The following NPAS1 variants were observed in gnomAD, a reference collection of about 807,000 sequenced individuals.
NPAS1 encodes neuronal PAS domain-containing protein 1.
NPAS1 carries 29 observed loss-of-function variants against 49.2 expected under a neutral mutation model. The observed-to-expected ratio is 0.59, with a 90% CI of 0.44 to 0.80. The LOEUF (loss-of-function observed/expected upper bound fraction) is 0.80, where lower values mean the gene tolerates loss of function less well. Among genes scored for constraint, NPAS1 ranks in the 30% least tolerant of loss-of-function variants. The pLI is 0.00. For missense variants in NPAS1, 825 were observed against 835.5 expected (o/e 0.99, Z 0.15); for synonymous variants, 408 against 380.4 (o/e 1.07, Z -0.84).
intron 9 of NPAS1, 188 bp from the exon 10 acceptor site, chr19:47,040,790 G>A (rs1403927759): frequency 1.8e-5 from 11 of 619,124 alleles, no homozygotes; most frequent in East Asian, 2.9e-5. Flanking sequence ...AAGAGGCCTC[G>A]CTGCTGGGCT....
chr19:47,027,510 ATCTCTCTGCCCCTGTTCTCCCT>A (rs1568501514), intron 3 of NPAS1, among the ~76,000 whole-genome samples: 2 of 12,728 alleles, frequency 1.6e-4, no homozygotes, highest in African/African-American at 9.8e-4. Flanking sequence ...CTGGTCTCCC[ATCTCTCTGCCCCTGTTCTCCCT>A]TCTCTCTGCC....
chr19:47,039,666 T>C, intron 8 of NPAS1, 102 bp downstream of exon 8: 1 of 1,260,030 alleles, frequency 7.9e-7, no homozygotes, highest in South Asian at 1.5e-5. Flanking sequence ...GATAGGGCAC[T>C]GGGGAGCCAT....
At chr19:47,041,650 G>A (rs2057022494) in intron 10 of NPAS1, among the ~76,000 whole-genome samples, 1 of 152,106 alleles carries the variant, frequency 6.6e-6, no homozygotes, top group African/African-American at 2.4e-5. Flanking sequence ...TTTAGAGCTG[G>A]AGAGGATCAT....
At position 47,021,429 on chromosome 19, in the gene NPAS1, G is replaced by A. The variant is rs1416451290; in HGVS notation, c.123-183G>A. The stretch of plus-strand genomic sequence containing the variant: ...CCTTCCCACCAGAATTGACACTCGA[G>A]GTTCTGTCCCTGGGTCGGAGTGTAA... On this transcript the variant is annotated intron_variant, in intron 2 of 11. Transcript: ENST00000602212. This position sits in a 1 kb window ranked among gnomAD's most constrained non-coding sequence, Gnocchi z 5.7. Among the ~76,000 whole-genome samples the A allele has an allele frequency of 6.6e-6, 1 of 152,184 alleles. No homozygotes were observed. The highest frequency in any genetic ancestry group is 2.4e-5 in the African/African-American group (1 of 41,452).
chr19:47,045,230 C>G lies in NPAS1; in HGVS notation c.1352C>G (p.Ala451Gly), dbSNP rs773161102. 1 of 1,613,880 alleles carries G rather than the reference C, an allele frequency of 6.2e-7. No individual in the cohort carries two copies. The highest frequency in any genetic ancestry group is 8.5e-7 in the Non-Finnish European group (1 of 1,179,952). Residue 451 changes from alanine (A) to glycine (G), a missense_variant, in exon 12 of 12, where the codon GCG (alanine) becomes GGG (glycine). Physicochemically the swap from Ala to Gly is moderately conservative, Grantham distance 60. Transcript: ENST00000602212. ...PPTEGKQAAP[A>G]ENEAPQTQGK... The stretch of plus-strand genomic sequence containing the variant: ...ACGGAAGGGAAGCAGGCTGCCCCAG[C>G]GGAGAACGAGGCCCCCCAGACCCAG...
Position 47,021,473 on chromosome 19 carries a change from C to T in NPAS1, c.123-139C>T. The T allele has an allele frequency of 1.7e-6, 1 of 604,448 alleles. No homozygotes were observed. The highest frequency in any genetic ancestry group is 2.8e-6 in the Non-Finnish European group (1 of 362,286). 37.4% of individuals were successfully genotyped at this position (604,448 alleles called of 1,614,324 possible). On this transcript the variant is annotated intron_variant, in intron 2 of 11. Transcript: ENST00000602212. This position sits in a 1 kb window ranked among gnomAD's most constrained non-coding sequence, Gnocchi z 5.7. Reference sequence around the variant, plus strand: ...AGTGTAAAATCCACACTCCGGTCTGCTCCCACCTCCAGAGATGTGGAATCC... The same window carrying T: ...AGTGTAAAATCCACACTCCGGTCTGTTCCCACCTCCAGAGATGTGGAATCC...
chr19:47,025,528 G>A (rs565250605), intron 3 of NPAS1, among the ~76,000 whole-genome samples: 2 of 151,368 alleles, frequency 1.3e-5, no homozygotes, highest in East Asian at 2.0e-4. Flanking sequence ...TCCGCCTGCC[G>A]CAGCCTCCCA....
intron 3 of NPAS1, among the ~76,000 whole-genome samples, chr19:47,026,088 G>A (rs769153900): frequency 2.0e-5 from 3 of 152,058 alleles, no homozygotes; most frequent in Admixed American, 6.6e-5. Context: ...ACAAGCACAC[G>A]CCACCATGCC....
Position 47,019,916 on chromosome 19 carries a change from G to T in NPAS1, c.-124G>T, listed in dbSNP as rs1353051494. The T allele has an allele frequency of 1.3e-5, 5 of 385,294 alleles. No individual in the cohort carries two copies. Among genetic ancestry groups the T allele is most frequent in the Non-Finnish European group, 2.3e-5 (5 of 217,470 alleles). 23.9% of individuals were successfully genotyped at this position (385,294 alleles called of 1,614,324 possible). A position where few individuals can be genotyped will look rare whatever the true frequency, so the allele number is the denominator to read the frequency against. ...CGCGCGCCCCGGGGTCTATGGAGCT[G>T]CCCCTCCGCGCCGCCCGGCCGGCCC... is the stretch of plus-strand genomic sequence containing the variant. On this transcript the variant is annotated 5_prime_UTR_variant, in exon 1 of 12. Transcript: ENST00000602212.
rs890216443 is a variant in NPAS1, at chr19:47,032,635, G to A, written c.433-8G>A. ...CTCCTTCCCCCTCCCTGTCTCTCCC[G>A]GCTCTAGTCCCTGGATGGCTTTGTG... is the stretch of plus-strand genomic sequence containing the variant. On this transcript the variant is annotated splice_polypyrimidine_tract_variant and splice_region_variant and intron_variant, in intron 4 of 11. Coordinates refer to ENST00000602212, the MANE Select transcript of NPAS1 (RefSeq NM_002517.4). 2.5e-6 allele frequency: 4 copies of A among 1,613,338 alleles called. No individual in the cohort carries two copies. Among genetic ancestry groups the A allele is most frequent in the East Asian group, 2.2e-5 (1 of 44,870 alleles).
intron 6 of NPAS1, 111 bp downstream of exon 6, chr19:47,036,240 T>C: frequency 8.6e-7 from 1 of 1,157,214 alleles, no homozygotes; most frequent in Non-Finnish European, 1.2e-6. Flanking sequence ...GTTAGAACTG[T>C]GTAGAACGAA....
At chr19:47,044,167 G>A (rs1382584306) in intron 11 of NPAS1, among the ~76,000 whole-genome samples, 1 of 152,122 alleles carries the variant, frequency 6.6e-6, no homozygotes, top group Non-Finnish European at 1.5e-5. Context: ...TCCGCCTCCC[G>A]GGTTCAAGTG....
At chr19:47,028,087 A>G (rs1404738149) in intron 3 of NPAS1, among the ~76,000 whole-genome samples, 1 of 136,058 alleles carries the variant, frequency 7.3e-6, no homozygotes, top group Non-Finnish European at 1.6e-5. Context: ...AAGCCCCCCC[A>G]CCACCACACC....
intron 3 of NPAS1, among the ~76,000 whole-genome samples, chr19:47,026,591 C>T (rs1460910788): frequency 6.6e-6 from 1 of 152,164 alleles, no homozygotes; most frequent in African/African-American, 2.4e-5. Flanking sequence ...GTGTGAGAGA[C>T]ACAGAGGGCG....
chr19:47,023,450 G>T (rs192582566), intron 3 of NPAS1, among the ~76,000 whole-genome samples: 7 of 152,014 alleles, frequency 4.6e-5, no homozygotes, highest in Non-Finnish European at 5.9e-5. Context: ...AGGACAGTGT[G>T]GGGGGGCTTG....
At position 47,021,044 on chromosome 19, in the gene NPAS1, G is replaced by A. The variant is rs371126378; in HGVS notation, c.-4G>A. ...CGGAGCCCGCCTGAGCGAGCCCCCC[G>A]GAGATGGCGGCCCCCTATCCCGGCA... On this transcript the variant is annotated 5_prime_UTR_variant, in exon 2 of 12. Transcript: ENST00000602212. This position sits in a 1 kb window ranked among gnomAD's most constrained non-coding sequence, Gnocchi z 5.7. The A allele has an allele frequency of 3.7e-6, 6 of 1,601,194 alleles. No individual in the cohort carries two copies. In the African/African-American group the frequency reaches 4.0e-5, roughly 11 times the overall value.
At chr19:47,038,677 A>C (rs1403622203) in intron 6 of NPAS1, among the ~76,000 whole-genome samples, 1 of 152,078 alleles carries the variant, frequency 6.6e-6, no homozygotes, top group Non-Finnish European at 1.5e-5. Context: ...AAATACAAAA[A>C]TTAGTCGGGC....
At position 47,027,695 on chromosome 19, in the gene NPAS1, C is replaced by T. The variant is rs1022909596; in HGVS notation, c.359-4583C>T. ...CTGCCCCTGGTCTCCTGTCTGTCTG[C>T]CCCTGGTCCCCTTCTCTCTGCCCCT... On this transcript the variant is annotated intron_variant, in intron 3 of 11. Transcript: ENST00000602212. 7.4e-5 allele frequency among the ~76,000 whole-genome samples: 3 copies of T among 40,414 alleles called. 1 individual carries two copies. The highest frequency in any genetic ancestry group is 2.0e-4 in the African/African-American group (3 of 14,812). The allele number at this position is 40,414 out of a possible 152,430, so 26.5% of individuals were successfully genotyped here.
Position 47,021,641 on chromosome 19 carries a change from G to A in NPAS1, c.152G>A (p.Arg51Gln). ...CLQAQRKEKS[R>Q]NAARSRRGKE... ...CAGGCGCAGCGCAAGGAGAAGTCCC[G>A]GAACGCGGCGCGCTCGCGGCGCGGG... Residue 51 changes from arginine (R) to glutamine (Q), a missense_variant, in exon 3 of 12, where the codon CGG becomes CAG. By Grantham distance (43) the Arg-to-Gln change is conservative. Transcript: ENST00000602212. The surrounding 1 kb of genome is among the most constrained non-coding windows in gnomAD (Gnocchi z 5.7). 6.5e-7 allele frequency: 1 copy of A among 1,548,354 alleles called. No homozygotes were observed. Among genetic ancestry groups the A allele is most frequent in the South Asian group, 1.2e-5 (1 of 83,666 alleles).
Sources: gnomAD v4.1 joint callset for allele counts (sites outside exome capture counted in the v4.1 genomes callset) on GRCh38, gnomAD v4.1.1 for gene constraint, Gnocchi (gnomAD v3.1) non-coding constraint, MANE v1.5 for transcripts, NCBI Gene and HGNC (gene_info 2026-07-23, HGNC 2026-07-21) for gene names.